Variants in CNBD1 observed in about 807,000 individuals in gnomAD.
CNBD1 encodes cyclic nucleotide-binding domain-containing protein 1.
CNBD1 carries 71 observed loss-of-function variants against 54.4 expected under a neutral mutation model. The ratio of observed to expected loss-of-function variants is 1.30; its 90% CI spans 1.08 to 1.59. The LOEUF (loss-of-function observed/expected upper bound fraction) is 1.59. CNBD1 is among the 40% of genes most tolerant of loss of function. The probability of loss-of-function intolerance (pLI) is 0.00; values close to 1 mark genes in which losing one functional copy is unlikely to be tolerated. For missense variants in CNBD1, 659 were observed against 518.0 expected (o/e 1.27, Z -2.64); for synonymous variants, 182 against 170.7 (o/e 1.07, Z -0.51).
intron 6 of CNBD1, among the ~76,000 whole-genome samples, chr8:87,259,065 A>AT (rs566252732): frequency 1.3e-5 from 2 of 152,096 alleles, no homozygotes; most frequent in African/African-American, 4.8e-5. Context: ...ATGTAAACCT[A>AT]TTTTTTCAGT....
intron 4 of CNBD1, among the ~76,000 whole-genome samples, chr8:87,173,374 T>C (rs1455939982): frequency 6.6e-6 from 1 of 152,198 alleles, no homozygotes; most frequent in African/African-American, 2.4e-5. Context: ...CTATTGCCAA[T>C]GAGTTTTATA....
intron 6 of CNBD1, among the ~76,000 whole-genome samples, chr8:87,279,880 A>G (rs1233845096): frequency 6.6e-6 from 1 of 150,450 alleles, no homozygotes. Context: ...TGCTTAGCCA[A>G]CTTTTAAAGA....
chr8:86,871,638 C>A (rs1349018116), intron 1 of CNBD1, among the ~76,000 whole-genome samples: 1 of 152,188 alleles, frequency 6.6e-6, no homozygotes, highest in African/African-American at 2.4e-5. Context: ...ATTCCTTAAG[C>A]CTATCTGCCA....
chr8:87,383,847 A>T (rs1377053459), downstream of CNBD1, among the ~76,000 whole-genome samples: 1 of 152,140 alleles, frequency 6.6e-6, no homozygotes, highest in African/African-American at 2.4e-5. Context: ...AATCATGTAG[A>T]GTTAAAAATA....
intron 4 of CNBD1, among the ~76,000 whole-genome samples, chr8:86,990,031 T>C (rs1402799175): frequency 6.6e-6 from 1 of 152,204 alleles, no homozygotes; most frequent in East Asian, 1.9e-4. Context: ...CTTTTGCCAG[T>C]TTTAAAATCA....
rs1491171166 is a variant in CNBD1 at position 87,083,583 on chromosome 8, TTC to T, written c.432-122408_432-122407del. Among the ~76,000 whole-genome samples, 13 of 147,610 alleles carry T rather than the reference TTC, an allele frequency of 8.8e-5. 2 individuals are homozygous for T. Among genetic ancestry groups the T allele is most frequent in the African/African-American group, 2.3e-4 (9 of 39,626 alleles). Reference sequence around the variant, plus strand: ...TGACTTCTGGACCAAACCAATGTATTTCTTTTTTTTTTTTTTTTTTTTTGAGA... The same window carrying T: ...TGACTTCTGGACCAAACCAATGTATTTTTTTTTTTTTTTTTTTTTTTGAGA... On this transcript the variant is annotated intron_variant, in intron 4 of 10. Transcript: ENST00000518476.
intron 4 of CNBD1, among the ~76,000 whole-genome samples, chr8:87,039,579 C>T (rs1810021746): frequency 6.6e-6 from 1 of 152,096 alleles, no homozygotes; most frequent in Non-Finnish European, 1.5e-5. Flanking sequence ...GTGTAGCCAC[C>T]CAACAGGTTC....
chr8:87,359,496 C>A (rs1810487575), intron 10 of CNBD1, among the ~76,000 whole-genome samples: 1 of 152,014 alleles, frequency 6.6e-6, no homozygotes, highest in South Asian at 2.1e-4. Context: ...ATTTCATATT[C>A]TATTCCAAGA....
intron 8 of CNBD1, among the ~76,000 whole-genome samples, chr8:87,316,651 A>T (rs1398571710): frequency 6.6e-6 from 1 of 151,912 alleles, no homozygotes; most frequent in African/African-American, 2.4e-5. Flanking sequence ...ACAAGTGGCC[A>T]TCAAGGCACA....
At chr8:87,250,251 A>G (rs899182512) in intron 6 of CNBD1, among the ~76,000 whole-genome samples, 12 of 152,314 alleles carry the variant, frequency 7.9e-5, no homozygotes, top group African/African-American at 2.9e-4. Context: ...CATCAAAGAA[A>G]TGCAAATCAA....
At chr8:87,212,256 T>C (rs1814114994) in intron 5 of CNBD1, among the ~76,000 whole-genome samples, 1 of 152,126 alleles carries the variant, frequency 6.6e-6, no homozygotes, top group Non-Finnish European at 1.5e-5. Context: ...ATCTACATAA[T>C]TAATATTGAT....
At chr8:87,275,503 C>T (rs1245248132) in intron 6 of CNBD1, among the ~76,000 whole-genome samples, 1 of 148,544 alleles carries the variant, frequency 6.7e-6, no homozygotes, top group Non-Finnish European at 1.5e-5. Flanking sequence ...GCAGAAAAGG[C>T]CTTTGACAAA....
chr8:87,327,775 C>G (rs372760613), intron 8 of CNBD1, among the ~76,000 whole-genome samples: 16 of 152,252 alleles, frequency 1.1e-4, no homozygotes, highest in East Asian at 9.7e-4. Context: ...GCGTCGCTCA[C>G]GCTGGGAGCT....
intron 4 of CNBD1, 62 bp downstream of exon 4, chr8:86,939,816 T>A: frequency 5.5e-6 from 6 of 1,089,704 alleles, no homozygotes; most frequent in Non-Finnish European, 7.8e-6. Flanking sequence ...GCTTTATTTT[T>A]TAAAGTTTAT....
intron 10 of CNBD1, among the ~76,000 whole-genome samples, chr8:87,370,182 A>C (rs1810746659): frequency 6.6e-6 from 1 of 151,808 alleles, no homozygotes. Context: ...GTGCCGCAAT[A>C]AACATACGTG....
chr8:87,277,175 G>T (rs138398957), intron 6 of CNBD1, among the ~76,000 whole-genome samples: 6 of 151,518 alleles, frequency 4.0e-5, no homozygotes, highest in Non-Finnish European at 7.4e-5. Context: ...ATCTGCAGAG[G>T]TGATGTCCAA....
chr8:87,059,004 A>G (rs1393383333), intron 4 of CNBD1, among the ~76,000 whole-genome samples: 1 of 152,122 alleles, frequency 6.6e-6, no homozygotes, highest in East Asian at 1.9e-4. Context: ...AATTTCTTCC[A>G]CCAGATACCC....
chr8:87,391,348 G>T (rs1811305974), intron 2 of CNBD1, among the ~76,000 whole-genome samples: 2 of 152,046 alleles, frequency 1.3e-5, no homozygotes, highest in African/African-American at 4.8e-5. Flanking sequence ...ATTATTTTCA[G>T]AAAGCCACAA....
intron 4 of CNBD1, among the ~76,000 whole-genome samples, chr8:87,145,152 G>A (rs1440289881): frequency 6.6e-6 from 1 of 152,090 alleles, no homozygotes; most frequent in Non-Finnish European, 1.5e-5. Flanking sequence ...TTTTTAGTAA[G>A]TTTGAAGAAC....
Sources: gnomAD v4.1 joint callset for allele counts (sites outside exome capture counted in the v4.1 genomes callset) on GRCh38, gnomAD v4.1.1 for gene constraint, MANE v1.5 for transcripts, NCBI Gene and HGNC (gene_info 2026-07-23, HGNC 2026-07-21) for gene names.